Variants in SOX5 observed in about 807,000 individuals in gnomAD.
SOX5 encodes transcription factor SOX-5.
A neutral mutation model predicts 92.0 loss-of-function variants in SOX5; 9 were observed. The observed-to-expected ratio is 0.10, with a 90% CI of 0.06 to 0.17. The LOEUF is 0.17. Among genes scored for constraint, SOX5 ranks in the 10% least tolerant of loss-of-function variants. The pLI, the probability that SOX5 is intolerant of heterozygous loss-of-function variation, is 1.00. For synonymous variants in SOX5, 344 were observed against 336.3 expected (o/e 1.02, Z -0.25); for missense variants, 642 against 944.5 (o/e 0.68, Z 4.20).
intron 1 of SOX5, among the ~76,000 whole-genome samples, chr12:24,371,527 G>A (rs1392433199): frequency 6.6e-6 from 1 of 152,180 alleles, no homozygotes; most frequent in Non-Finnish European, 1.5e-5. Context: ...ACAGGCTTCT[G>A]CAAGTCTTAT....
chr12:24,043,419 A>C (rs1023705244), intron 4 of SOX5, among the ~76,000 whole-genome samples: 3 of 152,198 alleles, frequency 2.0e-5, no homozygotes, highest in Non-Finnish European at 4.4e-5. Context: ...GTGATATAAA[A>C]ACACATTGCC....
intron 1 of SOX5, among the ~76,000 whole-genome samples, chr12:23,940,225 G>C (rs1251404358): frequency 6.6e-6 from 1 of 151,192 alleles, no homozygotes; most frequent in African/African-American, 2.4e-5. Context: ...CAGGATCATA[G>C]AATGTGAATC....
intron 4 of SOX5, among the ~76,000 whole-genome samples, chr12:23,961,856 A>G (rs1435426444): frequency 3.3e-5 from 5 of 152,210 alleles, no homozygotes; most frequent in African/African-American, 1.2e-4. Flanking sequence ...CAAGATTAGA[A>G]TATGCTCTTC....
At chr12:23,536,349 TTC>T (rs1328552699) in intron 14 of SOX5, 102 bp downstream of exon 14, 8 of 892,748 alleles carry the variant, frequency 9.0e-6, no homozygotes, top group Non-Finnish European at 1.4e-5. Flanking sequence ...TGAGCTCAGA[TTC>T]TTTTTCAAAA....
At chr12:23,791,864 ATTTGAAATAGGTATCACTTT>A (rs538263643) in intron 3 of SOX5, among the ~76,000 whole-genome samples, 160 of 152,022 alleles carry the variant, frequency 1.1e-3, no homozygotes, top group Middle Eastern at 6.8e-3. Context: ...CAAATAAAGT[ATTTGAAATAGGTATCACTTT>A]TTTGAAATAG....
At chr12:23,701,557 G>C (rs926094357) in intron 6 of SOX5, among the ~76,000 whole-genome samples, 9 of 152,020 alleles carry the variant, frequency 5.9e-5, no homozygotes, top group African/African-American at 1.9e-4. Flanking sequence ...TTCCCAACTT[G>C]AGTAAGTATT....
chr12:23,692,239 C>G (rs1341307935), intron 6 of SOX5, among the ~76,000 whole-genome samples: 1 of 151,708 alleles, frequency 6.6e-6, no homozygotes, highest in Non-Finnish European at 1.5e-5. Flanking sequence ...TAGAGACCAG[C>G]ACGGCCAACA....
rs57461232 is a variant in SOX5, at chr12:24,335,972, C to CATAT, written c.-174+32587_-174+32590dup. On this transcript the variant is annotated intron_variant, in intron 2 of 4. Transcript: ENST00000446891. ...CCTGGGTCCAGGCTAGAAATGCTAT[C>CATAT]ATATATATATATATATCCATAATAT... 1.5e-4 allele frequency among the ~76,000 whole-genome samples: 9 copies of CATAT among 58,612 alleles called. 1 individual carries two copies. The highest frequency in any genetic ancestry group is 1.5e-3 in the East Asian group (1 of 686). The allele number at this position is 58,612 out of a possible 152,430, so 38.5% of individuals were successfully genotyped here. A position where few individuals can be genotyped will look rare whatever the true frequency, so the allele number is the denominator to read the frequency against.
At chr12:24,401,856 G>T (rs1239532201) in intron 1 of SOX5, among the ~76,000 whole-genome samples, 1 of 151,718 alleles carries the variant, frequency 6.6e-6, no homozygotes, top group Non-Finnish European at 1.5e-5. Flanking sequence ...GCCAACAGCT[G>T]GTCTAAATCT....
intron 11 of SOX5, among the ~76,000 whole-genome samples, chr12:23,549,446 C>G (rs891481989): frequency 6.6e-6 from 1 of 151,846 alleles, no homozygotes; most frequent in Non-Finnish European, 1.5e-5. Flanking sequence ...GCATCCCATT[C>G]CCCCATTTAA....
chr12:24,114,568 C>T (rs1463149563), intron 4 of SOX5, among the ~76,000 whole-genome samples: 3 of 48,248 alleles, frequency 6.2e-5, no homozygotes, highest in Admixed American at 3.3e-4. Context: ...GGGCACACCC[C>T]GTCACAAAAA....
intron 1 of SOX5, among the ~76,000 whole-genome samples, chr12:23,918,548 G>A (rs1318575300): frequency 1.3e-5 from 2 of 152,144 alleles, no homozygotes; most frequent in Admixed American, 1.3e-4. Context: ...CTAGTTGTAA[G>A]GATTTGGCAT....
chr12:23,597,486 G>T (rs976905461), intron 9 of SOX5, among the ~76,000 whole-genome samples: 1 of 152,170 alleles, frequency 6.6e-6, no homozygotes, highest in African/African-American at 2.4e-5. Context: ...AAAAGGAGAG[G>T]AGGAGGCTCA....
chr12:24,357,129 T>C (rs1954932286), intron 2 of SOX5, among the ~76,000 whole-genome samples: 1 of 152,192 alleles, frequency 6.6e-6, no homozygotes, highest in Non-Finnish European at 1.5e-5. Context: ...TGGTGTGGAT[T>C]ACATTTTGAG....
chr12:24,150,587 C>T (rs756088403), intron 4 of SOX5, among the ~76,000 whole-genome samples: 18 of 151,834 alleles, frequency 1.2e-4, no homozygotes, highest in Admixed American at 2.6e-4. Flanking sequence ...CCAACAGAAC[C>T]GGCAAGATAA....
chr12:23,671,934 C>T (rs945516994), intron 6 of SOX5, among the ~76,000 whole-genome samples: 3 of 151,926 alleles, frequency 2.0e-5, no homozygotes, highest in African/African-American at 7.3e-5. Flanking sequence ...GGCAAAAAGC[C>T]ACAGAACTTT....
Position 24,505,123 on chromosome 12 carries a change from G to T in SOX5, c.-251+57206C>A, listed in dbSNP as rs539451178. Among the ~76,000 whole-genome samples, 286 of 152,308 alleles carry T rather than the reference G, an allele frequency of 1.9e-3. 4 individuals carry two copies. Among genetic ancestry groups the T allele is most frequent in the Non-Finnish European group, 1.6e-3 (110 of 68,022 alleles). On this transcript the variant is annotated intron_variant, in intron 1 of 4. Transcript: ENST00000446891. ...TAAACCTATGCCTACATCTGGAAAA[G>T]GCCAGGCAGCCCTATTGTGCCTAAT...
At chr12:23,872,164 AT>A (rs71059938) in intron 2 of SOX5, among the ~76,000 whole-genome samples, 3,824 of 61,556 alleles carry the variant, frequency 0.062, 98 homozygotes, top group Admixed American at 0.079. Flanking sequence ...CGCCCGGCTA[AT>A]TTTTTTTTTT....
At chr12:24,252,998 T>C (rs540387996) in intron 3 of SOX5, among the ~76,000 whole-genome samples, 1 of 152,268 alleles carries the variant, frequency 6.6e-6, no homozygotes, top group East Asian at 1.9e-4. Context: ...TTTTTATTCA[T>C]TTCAGAGCCC....
Sources: allele counts gnomAD v4.1 joint callset (sites outside exome capture counted in the v4.1 genomes callset), GRCh38; gene constraint gnomAD v4.1.1; transcripts MANE v1.5; gene names NCBI Gene and HGNC (gene_info 2026-07-23, HGNC 2026-07-21).